Variants in ZC3H3 observed in about 807,000 individuals in gnomAD.
The protein encoded by ZC3H3 is zinc finger CCCH-type containing 3, also known as zinc finger CCCH domain-containing protein 3.
Under a neutral mutation model 77.3 loss-of-function variants are expected in ZC3H3, and 36 were observed. The ratio of observed to expected loss-of-function variants is 0.47; its 90% CI spans 0.36 to 0.61. The LOEUF (loss-of-function observed/expected upper bound fraction) is 0.61, where lower values mean the gene tolerates loss of function less well. ZC3H3 is among the 20% of genes least tolerant of loss of function. The pLI is 0.00. For missense variants in ZC3H3, 1,331 were observed against 1,312.2 expected, an observed-to-expected ratio of 1.01 and a Z score of -0.22; for synonymous variants, 626 against 555.2, an observed-to-expected ratio of 1.13 and a Z score of -1.79.
At chr8:143,521,455 G>A (rs62521942) in intron 3 of ZC3H3, among the ~76,000 whole-genome samples, 2 of 103,746 alleles carry the variant, frequency 1.9e-5, no homozygotes, top group Admixed American at 9.9e-5. Context: ...CCAGCAGGCC[G>A]GGAGGACTGG....
chr8:143,512,194 GCGCTGC>G (rs1821889729), intron 3 of ZC3H3, among the ~76,000 whole-genome samples: 1 of 152,256 alleles, frequency 6.6e-6, no homozygotes, highest in South Asian at 2.1e-4. Flanking sequence ...GGCCACTGCA[GCGCTGC>G]CCAGGGTGAC....
chr8:143,442,652 C>G (rs547979869), intron 9 of ZC3H3, among the ~76,000 whole-genome samples: 1 of 152,160 alleles, frequency 6.6e-6, no homozygotes, highest in African/African-American at 2.4e-5. Context: ...GCAGAGTGCC[C>G]GGCTGAGATG....
chr8:143,453,270 A>T (rs1393341367), intron 9 of ZC3H3, among the ~76,000 whole-genome samples: 1 of 148,506 alleles, frequency 6.7e-6, no homozygotes, highest in East Asian at 2.0e-4. Flanking sequence ...TTTTTTTTTT[A>T]AAGAGATGGG....
intron 3 of ZC3H3, among the ~76,000 whole-genome samples, chr8:143,510,473 T>C (rs1196999049): frequency 1.3e-5 from 2 of 152,020 alleles, no homozygotes; most frequent in African/African-American, 4.8e-5. Flanking sequence ...GACAGATGGG[T>C]AGTAGCAGAT....
rs1232945976 is a variant in ZC3H3, at chr8:143,493,126, G to T, written c.1715+14620C>A. Among the ~76,000 whole-genome samples, 2 of 85,220 alleles carry T rather than the reference G, an allele frequency of 2.3e-5. No homozygotes were observed. The allele number at this position is 85,220 out of a possible 152,430, so 55.9% of individuals were successfully genotyped here. A position where few individuals can be genotyped will look rare whatever the true frequency, so the allele number is the denominator to read the frequency against. Reference sequence around the variant, plus strand: ...CCTGGCCCAGGGGCTCCCTCCTCAGGCTCCCGTGTCCTGGCCCAGGGGCTC... The same window carrying T: ...CCTGGCCCAGGGGCTCCCTCCTCAGTCTCCCGTGTCCTGGCCCAGGGGCTC... On this transcript the variant is annotated intron_variant, in intron 4 of 11. Transcript: ENST00000262577. This position sits in a 1 kb window ranked among gnomAD's most constrained non-coding sequence, Gnocchi z 4.8.
intron 9 of ZC3H3, among the ~76,000 whole-genome samples, chr8:143,444,222 C>G (rs1291989466): frequency 4.6e-5 from 7 of 152,168 alleles, no homozygotes; most frequent in Admixed American, 3.9e-4. Flanking sequence ...GATCCACCCA[C>G]CTCAGCCTCC....
intron 3 of ZC3H3, among the ~76,000 whole-genome samples, chr8:143,510,897 G>A (rs1821849798): frequency 6.6e-6 from 1 of 152,072 alleles, no homozygotes; most frequent in South Asian, 2.1e-4. Flanking sequence ...CGCCTTTATT[G>A]CCGGCGATGC....
rs1822683949 is a variant in ZC3H3, at chr8:143,533,369, C to T, written c.1561+2888G>A. Among the ~76,000 whole-genome samples the T allele has an allele frequency of 1.3e-5, 2 of 152,188 alleles. No individual in the cohort carries two copies. Among genetic ancestry groups the T allele is most frequent in the Admixed American group, 1.3e-4 (2 of 15,290 alleles). On this transcript the variant is annotated intron_variant, in intron 3 of 11. Transcript: ENST00000262577. This position sits in a 1 kb window ranked among gnomAD's most constrained non-coding sequence, Gnocchi z 4.0. ...CTCCTCAGAGAAGCCCTCCCACTCG[C>T]CAACCACCTCTCTGCAGCTGGCCCT...
rs1321364532 is a variant in ZC3H3, at chr8:143,495,758, CTTTCTTTT to C, written c.1715+11980_1715+11987del. On this transcript the variant is annotated intron_variant, in intron 4 of 11. Transcript: ENST00000262577. ...ACCATGCCTGGCTAATTTTTCTTTT[CTTTCTTTT>C]TTTTTTTTTTTTAACTGTAGAGACA... Among the ~76,000 whole-genome samples the C allele has an allele frequency of 4.9e-5, 6 of 121,470 alleles. No homozygotes were observed. The East Asian group carries it at 1.6e-3, about 33-fold the overall frequency. 79.7% of individuals were successfully genotyped at this position (121,470 alleles called of 152,430 possible).
chr8:143,521,643 C>T (rs1026434956), intron 3 of ZC3H3, among the ~76,000 whole-genome samples: 2 of 152,196 alleles, frequency 1.3e-5, no homozygotes, highest in African/African-American at 4.8e-5. Context: ...CAGCCCTATC[C>T]AAGCAGCCTC....
chr8:143,538,028 T>A lies in ZC3H3; in HGVS notation c.1339A>T (p.Ile447Phe). Residue 447 changes from isoleucine (I) to phenylalanine (F), a missense_variant, in exon 2 of 12, where the codon ATC becomes TTC. By Grantham distance (21) the Ile-to-Phe change is conservative (BLOSUM62 0). Coordinates refer to ENST00000262577, the MANE Select transcript of ZC3H3 (RefSeq NM_015117.3). ...CTTGTGCTGCTGCGTCTCCGGATGA[T>A]CTTGGTGCGGCTCTTCACTTTGTAA... ...SAYKVKSRTKIIRRRSSTSLP... is the reference protein window; with the variant it reads ...SAYKVKSRTKFIRRRSSTSLP... 6.2e-7 allele frequency: 1 copy of A among 1,609,854 alleles called. No individual in the cohort carries two copies. Among genetic ancestry groups the A allele is most frequent in the African/African-American group, 1.3e-5 (1 of 74,958 alleles).
Position 143,440,941 on chromosome 8 carries a change from C to A in ZC3H3, c.2487G>T (p.Gly829=), listed in dbSNP as rs766162032. ...AGTGCCCACTGCCCCATCACCTGGG[C>A]CCGTGGCTGGCCGAGACCCTGCTCC... ...TARSRVSASH[G]PRKPSASQRP... Residue 829 remains glycine (G), a synonymous_variant, in exon 10 of 12, where the codon GGG becomes GGT. Coordinates refer to ENST00000262577, the MANE Select transcript of ZC3H3 (RefSeq NM_015117.3). The A allele has an allele frequency of 2.8e-6, 4 of 1,428,832 alleles. No individual in the cohort carries two copies. The highest frequency in any genetic ancestry group is 3.6e-6 in the Non-Finnish European group (4 of 1,096,080). 88.5% of individuals were successfully genotyped at this position (1,428,832 alleles called of 1,614,324 possible).
At chr8:143,540,035 C>A (rs1563892646) in intron 1 of ZC3H3, among the ~76,000 whole-genome samples, 1 of 152,206 alleles carries the variant, frequency 6.6e-6, no homozygotes, top group African/African-American at 2.4e-5. Context: ...CAGGCCCTGC[C>A]CCCGGGGGCA....
chr8:143,514,573 T>C (rs1258682539), intron 3 of ZC3H3, among the ~76,000 whole-genome samples: 2 of 152,250 alleles, frequency 1.3e-5, no homozygotes, highest in Non-Finnish European at 2.9e-5. Context: ...TTCCCGATCC[T>C]GTGGCTCTCG....
chr8:143,533,673 C>T lies in ZC3H3; in HGVS notation c.1561+2584G>A, dbSNP rs926544955. On this transcript the variant is annotated intron_variant, in intron 3 of 11. Coordinates refer to ENST00000262577, the MANE Select transcript of ZC3H3 (RefSeq NM_015117.3). This position sits in a 1 kb window ranked among gnomAD's most constrained non-coding sequence, Gnocchi z 4.0. Reference sequence around the variant, plus strand: ...ACCCTCTCCTCTCACTCCATGCAGCCGCCACGCTGGTCTTTTTTTTTTTTT... The same window carrying T: ...ACCCTCTCCTCTCACTCCATGCAGCTGCCACGCTGGTCTTTTTTTTTTTTT... Among the ~76,000 whole-genome samples, 39 of 151,062 alleles carry T rather than the reference C, an allele frequency of 2.6e-4. 1 individual carries two copies. Among genetic ancestry groups the T allele is most frequent in the Admixed American group, 2.4e-3 (36 of 15,034 alleles).
rs150368743 is a variant in ZC3H3, at chr8:143,534,498, G to A, written c.1561+1759C>T. Among the ~76,000 whole-genome samples, 4 of 152,208 alleles carry A rather than the reference G, an allele frequency of 2.6e-5. No individual in the cohort carries two copies. The East Asian group carries it at 7.8e-4, about 29-fold the overall frequency. ...CCTGCCTATGCCCCACTCTACTAGA[G>A]GCCTGAAGAGGGAGCAGGCCAGGTG... is the stretch of plus-strand genomic sequence containing the variant. On this transcript the variant is annotated intron_variant, in intron 3 of 11. Coordinates refer to ENST00000262577, the MANE Select transcript of ZC3H3 (RefSeq NM_015117.3).
At chr8:143,473,858 G>A (rs1017102246) in intron 5 of ZC3H3, among the ~76,000 whole-genome samples, 4 of 152,204 alleles carry the variant, frequency 2.6e-5, no homozygotes, top group African/African-American at 9.7e-5. Flanking sequence ...TGCTGTGCCA[G>A]AGACTGGCCA....
At chr8:143,491,553 C>T (rs910200434) in intron 4 of ZC3H3, among the ~76,000 whole-genome samples, 6 of 152,252 alleles carry the variant, frequency 3.9e-5, no homozygotes, top group Non-Finnish European at 5.9e-5. Flanking sequence ...ACGCAGTGTG[C>T]CACACCCGGC....
chr8:143,470,460 G>A (rs528765056), intron 5 of ZC3H3, among the ~76,000 whole-genome samples: 35 of 152,344 alleles, frequency 2.3e-4, no homozygotes, highest in African/African-American at 8.4e-4. Flanking sequence ...TCTCAGGCCG[G>A]GACCCTTGTC....
Sources: gnomAD v4.1 joint callset for allele counts (sites outside exome capture counted in the v4.1 genomes callset) on GRCh38, gnomAD v4.1.1 for gene constraint, Gnocchi (gnomAD v3.1) non-coding constraint, MANE v1.5 for transcripts, NCBI Gene and HGNC (gene_info 2026-07-23, HGNC 2026-07-21) for gene names.